The following ZRANB3 variants were observed in gnomAD, a reference collection of about 807,000 sequenced individuals.
ZRANB3 encodes DNA annealing helicase and endonuclease ZRANB3.
In ZRANB3, 125 loss-of-function variants were observed where a neutral mutation model predicts 133.8. The ratio of observed to expected loss-of-function variants is 0.93; its 90% CI spans 0.81 to 1.08. The LOEUF is 1.08. ZRANB3 is among the 50% of genes least tolerant of loss of function. ZRANB3 has a pLI of 0.00. For synonymous variants in ZRANB3, 387 were observed against 432.7 expected (o/e 0.89, Z 1.31); for missense variants, 1,229 against 1,275.5 (o/e 0.96, Z 0.56).
chr2:135,214,544 C>T (rs977282636), intron 17 of ZRANB3, among the ~76,000 whole-genome samples: 29 of 151,966 alleles, frequency 1.9e-4, no homozygotes, highest in African/African-American at 7.0e-4. Flanking sequence ...CCAGAAATAG[C>T]TAGAAATTCA....
intron 2 of ZRANB3, among the ~76,000 whole-genome samples, chr2:135,461,488 T>C (rs1353320950): frequency 6.6e-6 from 1 of 152,108 alleles, no homozygotes; most frequent in Non-Finnish European, 1.5e-5. Flanking sequence ...GGACAATTGC[T>C]TGAACCTGGG....
At chr2:135,339,705 G>C (rs184512750) in intron 6 of ZRANB3, among the ~76,000 whole-genome samples, 17 of 152,178 alleles carry the variant, frequency 1.1e-4, no homozygotes, top group African/African-American at 4.1e-4. Flanking sequence ...AACTGTAATA[G>C]GTAAAACTTT....
chr2:135,423,544 CA>C (rs1380237409), intron 2 of ZRANB3, among the ~76,000 whole-genome samples: 1 of 152,196 alleles, frequency 6.6e-6, no homozygotes, highest in Admixed American at 6.5e-5. Flanking sequence ...ATCACATCTG[CA>C]AAGACCTTAT....
At chr2:135,323,173 T>C in intron 6 of ZRANB3, among the ~76,000 whole-genome samples, 1 of 152,210 alleles carries the variant, frequency 6.6e-6, no homozygotes, top group Non-Finnish European at 1.5e-5. Context: ...TCCAAAATGG[T>C]TGTAGTATTT....
At chr2:135,212,776 T>C (rs540022177) in intron 17 of ZRANB3, among the ~76,000 whole-genome samples, 2 of 152,268 alleles carry the variant, frequency 1.3e-5, no homozygotes, top group East Asian at 1.9e-4. Context: ...GCAAGAAAAG[T>C]GTACGTTGCA....
intron 2 of ZRANB3, among the ~76,000 whole-genome samples, chr2:135,407,893 C>A (rs1179403355): frequency 3.5e-5 from 5 of 143,120 alleles, no homozygotes; most frequent in Admixed American, 3.4e-4. Flanking sequence ...CTAGGCAATA[C>A]CATTCAGGAC....
At chr2:135,452,703 C>T (rs1690328468) in intron 2 of ZRANB3, among the ~76,000 whole-genome samples, 1 of 152,228 alleles carries the variant, frequency 6.6e-6, no homozygotes. Flanking sequence ...CCAGGTCTCA[C>T]ATCCAGGTCA....
At chr2:135,232,074 A>T (rs1412039559) in intron 12 of ZRANB3, among the ~76,000 whole-genome samples, 1 of 152,210 alleles carries the variant, frequency 6.6e-6, no homozygotes, top group East Asian at 1.9e-4. Flanking sequence ...GCACCTGGAA[A>T]ATCGGGTCAC....
chr2:135,390,337 G>T (rs940244823), intron 3 of ZRANB3, among the ~76,000 whole-genome samples: 4 of 152,050 alleles, frequency 2.6e-5, no homozygotes, highest in African/African-American at 9.7e-5. Flanking sequence ...GAGAAAACAC[G>T]AATAGGGATA....
chr2:135,272,938 C>T (rs527434987), intron 9 of ZRANB3, among the ~76,000 whole-genome samples: 1 of 151,982 alleles, frequency 6.6e-6, no homozygotes, highest in South Asian at 2.1e-4. Flanking sequence ...AATCCCAGCA[C>T]TTTGGGAGGC....
At chr2:135,480,741 T>A (rs974473898) in intron 2 of ZRANB3, among the ~76,000 whole-genome samples, 2 of 146,948 alleles carry the variant, frequency 1.4e-5, no homozygotes, top group African/African-American at 5.1e-5. Flanking sequence ...ATTAGGTATA[T>A]CTCCCAGTGC....
At chr2:135,227,121 A>C (rs1323730397) in intron 14 of ZRANB3, among the ~76,000 whole-genome samples, 2 of 152,254 alleles carry the variant, frequency 1.3e-5, no homozygotes, top group Non-Finnish European at 2.9e-5. Flanking sequence ...TAAGAATATC[A>C]ATCTGTATGT....
At chr2:135,390,955 G>T (rs1027776781) in intron 2 of ZRANB3, 135 bp from the exon 3 acceptor site, 1 of 885,320 alleles carries the variant, frequency 1.1e-6, no homozygotes, top group East Asian at 3.2e-5. Context: ...CTGTCTCCCA[G>T]GTCCAAGTGA....
chr2:135,380,377 A>G (rs1240197202), intron 3 of ZRANB3, among the ~76,000 whole-genome samples: 1 of 152,222 alleles, frequency 6.6e-6, no homozygotes, highest in Non-Finnish European at 1.5e-5. Context: ...TCAGCATCAC[A>G]TCGCACTTAT....
chr2:135,302,120 C>T lies in ZRANB3; in HGVS notation c.966+11369G>A, dbSNP rs554246260. Among the ~76,000 whole-genome samples, 10 of 152,302 alleles carry T rather than the reference C, an allele frequency of 6.6e-5. No individual in the cohort carries two copies. The South Asian group carries it at 2.1e-3, about 32-fold the overall frequency. ...AAATGTAGATGATAACTAGCTACCT[C>T]CTGAAAAGCCTATTTAATCTATAAT... is the stretch of plus-strand genomic sequence containing the variant. On this transcript the variant is annotated intron_variant, in intron 8 of 20. Transcript: ENST00000264159.
At chr2:135,480,656 C>G (rs1480017848) in intron 2 of ZRANB3, among the ~76,000 whole-genome samples, 1 of 151,190 alleles carries the variant, frequency 6.6e-6, no homozygotes, top group Non-Finnish European at 1.5e-5. Context: ...GGTACATGTG[C>G]ACATTGTGCA....
intron 12 of ZRANB3, among the ~76,000 whole-genome samples, chr2:135,258,139 T>A (rs1224271937): frequency 1.3e-5 from 2 of 152,172 alleles, no homozygotes; most frequent in Non-Finnish European, 2.9e-5. Flanking sequence ...AGTAAGTTTT[T>A]TTTTTAAAGA....
chr2:135,393,129 A>G (rs1180462096), intron 2 of ZRANB3, among the ~76,000 whole-genome samples: 4 of 152,134 alleles, frequency 2.6e-5, no homozygotes, highest in African/African-American at 9.7e-5. Context: ...AGGCCTCCCA[A>G]ACTGGTGGGA....
chr2:135,489,221 A>T (rs1167320395), intron 2 of ZRANB3, among the ~76,000 whole-genome samples: 1 of 149,560 alleles, frequency 6.7e-6, no homozygotes, highest in Non-Finnish European at 1.5e-5. Flanking sequence ...TGAAAATTAT[A>T]GTCAAATATG....
Sources: allele counts gnomAD v4.1 joint callset (sites outside exome capture counted in the v4.1 genomes callset), GRCh38; gene constraint gnomAD v4.1.1; transcripts MANE v1.5; gene names NCBI Gene and HGNC (gene_info 2026-07-23, HGNC 2026-07-21).